MTA1: variants seen among roughly 807,000 people sequenced by gnomAD.
MTA1 encodes metastasis associated 1, also known as metastasis-associated protein MTA1.
Under a neutral mutation model 97.0 loss-of-function variants are expected in MTA1, and 15 were observed. The ratio of observed to expected loss-of-function variants is 0.15; its 90% confidence interval spans 0.10 to 0.24. The LOEUF is 0.24. MTA1 is among the 10% of genes least tolerant of loss of function. MTA1 has a pLI of 1.00. For synonymous variants in MTA1, 435 were observed against 417.5 expected, an observed-to-expected ratio of 1.04 and a Z score of -0.51; for missense variants, 709 against 1,015.1, an observed-to-expected ratio of 0.70 and a Z score of 4.10.
intron 18 of MTA1, chr14:105,469,083 C>T (rs1038294261): frequency 1.7e-5 from 8 of 466,806 alleles, no homozygotes; most frequent in South Asian, 7.8e-5. Context: ...CCGGCCACAG[C>T]GTGGCTGCCC....
At chr14:105,452,648 C>T (rs2082988392) in intron 6 of MTA1, among the ~76,000 whole-genome samples, 2 of 152,234 alleles carry the variant, frequency 1.3e-5, no homozygotes, top group African/African-American at 4.8e-5. Flanking sequence ...CACCACTGTA[C>T]TCTATCTTGG....
chr14:105,451,137 C>T (rs1200556480), intron 6 of MTA1, among the ~76,000 whole-genome samples: 1 of 152,214 alleles, frequency 6.6e-6, no homozygotes, highest in East Asian at 1.9e-4. Flanking sequence ...GGATGCGGCC[C>T]CCACCCTGCC....
At chr14:105,423,215 ATTTTTTTTTT>A (rs1166908446) in intron 1 of MTA1, among the ~76,000 whole-genome samples, 2 of 113,580 alleles carry the variant, frequency 1.8e-5, no homozygotes, top group African/African-American at 3.7e-5. Context: ...TTTTTGTTTA[ATTTTTTTTTT>A]TTTTTTTTTT....
At chr14:105,446,616 G>T (rs1314035480) in intron 3 of MTA1, among the ~76,000 whole-genome samples, 3 of 152,250 alleles carry the variant, frequency 2.0e-5, no homozygotes, top group Non-Finnish European at 4.4e-5. Context: ...TGCCACCGAT[G>T]CCTTGTTCCT....
In MTA1 at chr14:105,464,616, C is replaced by T. The variant is rs74092387; in HGVS notation, c.1344+49C>T. The T allele has an allele frequency of 1.8e-3, 2,841 of 1,609,684 alleles. 43 individuals are homozygous for T. The African/African-American group carries it at 0.032, about 18-fold the overall frequency. The stretch of plus-strand genomic sequence containing the variant: ...GCCTGCCATGAGCCTGTCGGCCACG[C>T]GGGTCCTCGGCCCCCGGTCATGGCG... On this transcript the variant is annotated intron_variant, in intron 14 of 20. Transcript: ENST00000331320.
At position 105,461,768 on chromosome 14, in the gene MTA1, C is replaced by T. The variant is rs587732200; in HGVS notation, c.942+815C>T. Among the ~76,000 whole-genome samples the T allele has an allele frequency of 3.0e-3, 462 of 152,314 alleles. 4 individuals are homozygous for T. Among genetic ancestry groups the T allele is most frequent in the African/African-American group, 0.01 (421 of 41,564 alleles). On this transcript the variant is annotated intron_variant, in intron 10 of 20. Coordinates refer to ENST00000331320, the MANE Select transcript of MTA1 (RefSeq NM_004689.4). The stretch of plus-strand genomic sequence containing the variant: ...CAGCCAGCTGTGAGGCTCCTGAGGA[C>T]GCATCTGCTGGGGGCAGGAGTGCAG...
At chr14:105,438,020 G>A (rs1323771362) in intron 1 of MTA1, among the ~76,000 whole-genome samples, 2 of 152,250 alleles carry the variant, frequency 1.3e-5, no homozygotes, top group African/African-American at 4.8e-5. Flanking sequence ...CGATCTTGGG[G>A]CACTCCCAGT....
At chr14:105,453,272 C>G (rs947793516) in intron 6 of MTA1, among the ~76,000 whole-genome samples, 2 of 152,276 alleles carry the variant, frequency 1.3e-5, no homozygotes, top group Non-Finnish European at 2.9e-5. Context: ...GCCGCTCCTC[C>G]AAGGTTGTGC....
intron 1 of MTA1, among the ~76,000 whole-genome samples, chr14:105,425,983 C>T (rs2081999749): frequency 6.6e-6 from 1 of 152,134 alleles, no homozygotes; most frequent in African/African-American, 2.4e-5. Flanking sequence ...GGCAGCCTCC[C>T]TGGGGCGGGC....
At chr14:105,450,857 A>T (rs2082899969) in intron 6 of MTA1, among the ~76,000 whole-genome samples, 1 of 152,208 alleles carries the variant, frequency 6.6e-6, no homozygotes, top group Non-Finnish European at 1.5e-5. Flanking sequence ...CCTGGGGAGC[A>T]GTGTCGCCTG....
chr14:105,466,368 G>A, intron 16 of MTA1, 58 bp from the exon 17 acceptor site: 2 of 1,508,366 alleles, frequency 1.3e-6, no homozygotes, highest in East Asian at 4.7e-5. Flanking sequence ...GCCTGGGCCT[G>A]CCTGCCCCTC....
intron 16 of MTA1, 160 bp downstream of exon 16, chr14:105,465,343 G>C: frequency 5.8e-6 from 3 of 518,382 alleles, no homozygotes; most frequent in Non-Finnish European, 9.2e-6. Flanking sequence ...ACCGTGCCAG[G>C]CTCAGGCAGA....
chr14:105,459,014 G>A (rs943332230), intron 8 of MTA1, among the ~76,000 whole-genome samples: 197 of 151,924 alleles, frequency 1.3e-3, no homozygotes, highest in Non-Finnish European at 8.0e-4. Flanking sequence ...CCTGGGGGGA[G>A]TCCGCGCTGC....
intron 7 of MTA1, among the ~76,000 whole-genome samples, chr14:105,456,546 G>A (rs1201677363): frequency 2.0e-5 from 3 of 152,258 alleles, no homozygotes; most frequent in Non-Finnish European, 4.4e-5. Context: ...ACCAGCTGGT[G>A]TGGGGCCGGG....
rs587647214 is a variant in MTA1 at position 105,464,574 on chromosome 14, G to T, written c.1344+7G>T. 7.4e-6 allele frequency: 12 copies of T among 1,612,662 alleles called. No individual in the cohort carries two copies. Among genetic ancestry groups the T allele is most frequent in the East Asian group, 4.5e-5 (2 of 44,864 alleles). On this transcript the variant is annotated splice_region_variant and intron_variant, in intron 14 of 20. Transcript: ENST00000331320. ...ACCAAACCGCAGTAACATGGTAAGG[G>T]GGGGGACACCCGCCCTGCCTGCCAT... is the stretch of plus-strand genomic sequence containing the variant.
intron 18 of MTA1, among the ~76,000 whole-genome samples, chr14:105,468,522 C>T (rs1303316653): frequency 2.6e-5 from 4 of 152,188 alleles, no homozygotes; most frequent in African/African-American, 9.6e-5. Flanking sequence ...TGACCCAGGG[C>T]TCCAGGGCCC....
Position 105,461,053 on chromosome 14 carries a change from C to T in MTA1, c.942+100C>T, listed in dbSNP as rs149849961. On this transcript the variant is annotated intron_variant, in intron 10 of 20. Coordinates refer to ENST00000331320, the MANE Select transcript of MTA1 (RefSeq NM_004689.4). ...CACATCCCACTCTGCCCTGAGGGAGCCTGTCCTGCACCCTGATTCCCTGTG... is the reference window on the plus strand; with the variant it reads ...CACATCCCACTCTGCCCTGAGGGAGTCTGTCCTGCACCCTGATTCCCTGTG... 2,753 of 1,258,938 alleles carry T rather than the reference C, an allele frequency of 2.2e-3. 6 individuals are homozygous for T. The highest frequency in any genetic ancestry group is 2.9e-3 in the Non-Finnish European group (2,601 of 895,940). The allele number at this position is 1,258,938 out of a possible 1,614,324, so 78.0% of individuals were successfully genotyped here. A position where few individuals can be genotyped will look rare whatever the true frequency, so the allele number is the denominator to read the frequency against.
intron 2 of MTA1, among the ~76,000 whole-genome samples, chr14:105,442,155 C>T (rs1365441565): frequency 3.3e-5 from 5 of 152,146 alleles, no homozygotes; most frequent in Non-Finnish European, 5.9e-5. Flanking sequence ...TTTTAGAACA[C>T]GGGAGAAGAA....
At chr14:105,426,051 G>A (rs901999145) in intron 1 of MTA1, among the ~76,000 whole-genome samples, 1 of 152,032 alleles carries the variant, frequency 6.6e-6, no homozygotes, top group Non-Finnish European at 1.5e-5. Flanking sequence ...TTCTCTGCCC[G>A]GTGGCCTGAG....
Sources: gnomAD v4.1 joint callset for allele counts (sites outside exome capture counted in the v4.1 genomes callset) on GRCh38, gnomAD v4.1.1 for gene constraint, MANE v1.5 for transcripts, NCBI Gene and HGNC (gene_info 2026-07-23, HGNC 2026-07-21) for gene names.